The following CLSTN2 variants were observed in gnomAD, a reference collection of about 807,000 sequenced individuals.
CLSTN2 encodes calsyntenin 2, also known as calsyntenin-2.
Under a neutral mutation model 101.2 loss-of-function variants are expected in CLSTN2, and 48 were observed. That is an observed-to-expected ratio of 0.47 (90% CI 0.38 to 0.60). CLSTN2 has a LOEUF of 0.60. CLSTN2 is among the 20% of genes least tolerant of loss of function. The probability of loss-of-function intolerance (pLI) is 0.00; values close to 1 mark genes in which losing one functional copy is unlikely to be tolerated. For missense variants in CLSTN2, 1,160 were observed against 1,238.2 expected, an observed-to-expected ratio of 0.94 and a Z score of 0.95; for synonymous variants, 481 against 463.6, an observed-to-expected ratio of 1.04 and a Z score of -0.48.
chr3:140,516,104 T>C (rs1934911690), intron 8 of CLSTN2, among the ~76,000 whole-genome samples: 1 of 152,154 alleles, frequency 6.6e-6, no homozygotes, highest in East Asian at 1.9e-4. Context: ...TTTGTCTTTT[T>C]TTAACTCTGT....
chr3:140,117,030 C>T (rs1398742042), intron 1 of CLSTN2, among the ~76,000 whole-genome samples: 3 of 152,146 alleles, frequency 2.0e-5, no homozygotes, highest in Non-Finnish European at 4.4e-5. Context: ...TCTGCTGTTC[C>T]GGGCTGGGAG....
intron 1 of CLSTN2, among the ~76,000 whole-genome samples, chr3:140,093,179 G>A (rs553085465): frequency 4.6e-5 from 7 of 152,268 alleles, no homozygotes; most frequent in South Asian, 2.1e-4. Context: ...CCTTGGGTGC[G>A]GTGGGGCAGG....
chr3:140,075,953 G>A (rs1359554007), intron 1 of CLSTN2, among the ~76,000 whole-genome samples: 1 of 151,880 alleles, frequency 6.6e-6, no homozygotes, highest in African/African-American at 2.4e-5. Context: ...CTTCACATGA[G>A]GTCTACCCTC....
chr3:140,392,167 T>C (rs1414892063), intron 2 of CLSTN2, among the ~76,000 whole-genome samples: 1 of 151,178 alleles, frequency 6.6e-6, no homozygotes, highest in East Asian at 1.9e-4. Context: ...ACAGAAACAT[T>C]ACTCAAATTA....
At chr3:140,145,001 G>A (rs1280414721) in intron 1 of CLSTN2, among the ~76,000 whole-genome samples, 1 of 152,202 alleles carries the variant, frequency 6.6e-6, no homozygotes, top group Non-Finnish European at 1.5e-5. Flanking sequence ...TCACGCCCCT[G>A]TGGGCCCTTA....
At chr3:139,970,333 T>C (rs1935673970) in intron 1 of CLSTN2, among the ~76,000 whole-genome samples, 1 of 152,162 alleles carries the variant, frequency 6.6e-6, no homozygotes. Flanking sequence ...GGGGATGCTC[T>C]CCATACGCTG....
chr3:140,400,950 A>G (rs1441183367), intron 2 of CLSTN2, among the ~76,000 whole-genome samples: 7 of 152,206 alleles, frequency 4.6e-5, no homozygotes, highest in African/African-American at 1.7e-4. Flanking sequence ...TACTTTTAGC[A>G]CACATAGCTC....
intron 1 of CLSTN2, among the ~76,000 whole-genome samples, chr3:139,945,795 T>C (rs1935205164): frequency 6.6e-6 from 1 of 152,234 alleles, no homozygotes. Context: ...TACAGAGGTG[T>C]TTGATTTATT....
At chr3:140,061,324 C>A (rs756049055) in intron 1 of CLSTN2, among the ~76,000 whole-genome samples, 1 of 152,202 alleles carries the variant, frequency 6.6e-6, no homozygotes, top group Non-Finnish European at 1.5e-5. Flanking sequence ...CATTTAGACC[C>A]CATGCTCTAT....
chr3:140,263,458 A>T (rs2086670561), intron 2 of CLSTN2, among the ~76,000 whole-genome samples: 1 of 152,116 alleles, frequency 6.6e-6, no homozygotes, highest in African/African-American at 2.4e-5. Context: ...CTGGTTGCTC[A>T]CTCAGGCAGG....
At chr3:140,561,345 CCTT>C (rs1251541426) in intron 12 of CLSTN2, among the ~76,000 whole-genome samples, 1 of 152,094 alleles carries the variant, frequency 6.6e-6, no homozygotes, top group Non-Finnish European at 1.5e-5. Context: ...ATACCAGTCG[CCTT>C]CTTAAGATGG....
chr3:140,185,567 G>A (rs1273108262), intron 2 of CLSTN2, among the ~76,000 whole-genome samples: 1 of 152,178 alleles, frequency 6.6e-6, no homozygotes, highest in East Asian at 1.9e-4. Flanking sequence ...GATTGGGCCA[G>A]GGGTGGGCAC....
intron 2 of CLSTN2, among the ~76,000 whole-genome samples, chr3:140,341,748 T>C (rs1173053797): frequency 6.6e-6 from 1 of 152,228 alleles, no homozygotes; most frequent in African/African-American, 2.4e-5. Context: ...TAGTCTGCGA[T>C]ACATTGAAAT....
chr3:140,327,047 T>C (rs1227834597), intron 2 of CLSTN2, among the ~76,000 whole-genome samples: 1 of 152,210 alleles, frequency 6.6e-6, no homozygotes, highest in Non-Finnish European at 1.5e-5. Context: ...CAATTGTGTA[T>C]GTAGCTCTTG....
chr3:140,540,157 C>T lies in CLSTN2; in HGVS notation c.1508-6358C>T, dbSNP rs79274533. Reference sequence around the variant, plus strand: ...ACATTCTGGATGATAGATGAAAGCCCTTCCAACTCCACGAGTTTAGGTTCT... The same window carrying T: ...ACATTCTGGATGATAGATGAAAGCCTTTCCAACTCCACGAGTTTAGGTTCT... On this transcript the variant is annotated intron_variant, in intron 9 of 16. Transcript: ENST00000458420. Among the ~76,000 whole-genome samples, 1,438 of 152,288 alleles carry T rather than the reference C, an allele frequency of 9.4e-3. 19 individuals are homozygous for T. The highest frequency in any genetic ancestry group is 0.032 in the African/African-American group (1,339 of 41,546).
At chr3:140,101,242 C>T (rs1465861169) in intron 1 of CLSTN2, among the ~76,000 whole-genome samples, 1 of 152,242 alleles carries the variant, frequency 6.6e-6, no homozygotes, top group Admixed American at 6.5e-5. Context: ...CTTTTCCCTA[C>T]CCTCCAGTGG....
chr3:140,351,383 G>A (rs1030505591), intron 2 of CLSTN2, among the ~76,000 whole-genome samples: 3 of 152,180 alleles, frequency 2.0e-5, no homozygotes, highest in Non-Finnish European at 4.4e-5. Context: ...CAATAAAACT[G>A]TAACTTTTAA....
chr3:140,427,182 A>C (rs9862981), intron 5 of CLSTN2, among the ~76,000 whole-genome samples: 1 of 79,810 alleles, frequency 1.3e-5, no homozygotes, highest in Admixed American at 1.5e-4. Flanking sequence ...TCAAAAAAAA[A>C]AAATATATAT....
rs371401604 is a variant in CLSTN2, at chr3:140,260,891, T to C, written c.232+84818T>C. Among the ~76,000 whole-genome samples the C allele has an allele frequency of 6.6e-5, 10 of 152,288 alleles. No homozygotes were observed. The East Asian group carries it at 9.7e-4, about 15-fold the overall frequency. ...CAGGTGTTTTGTAGGGTGTCCCTTA[T>C]TGGAATTTATCTGATAGTTTTTCTC... On this transcript the variant is annotated intron_variant, in intron 2 of 16. Transcript: ENST00000458420.
Sources: gnomAD v4.1 joint callset for allele counts (sites outside exome capture counted in the v4.1 genomes callset) on GRCh38, gnomAD v4.1.1 for gene constraint, MANE v1.5 for transcripts, NCBI Gene and HGNC (gene_info 2026-07-23, HGNC 2026-07-21) for gene names.